The following PREX2 variants were observed in gnomAD, a reference collection of about 807,000 sequenced individuals.
The protein encoded by PREX2 is phosphatidylinositol 3,4,5-trisphosphate-dependent Rac exchanger 2 protein.
A neutral mutation model predicts 203.2 loss-of-function variants in PREX2; 107 were observed. The ratio of observed to expected loss-of-function variants is 0.53; its 90% CI spans 0.45 to 0.62. The LOEUF (loss-of-function observed/expected upper bound fraction) is 0.62. PREX2 is among the 20% of genes least tolerant of loss of function. The pLI, the probability that PREX2 is intolerant of heterozygous loss-of-function variation, is 0.00. For missense variants in PREX2, 1,777 were observed against 1,955.9 expected (o/e 0.91, Z 1.72); for synonymous variants, 672 against 663.6 (o/e 1.01, Z -0.19).
At chr8:68,080,907 C>G in intron 17 of PREX2, 69 bp downstream of exon 17, 1 of 869,712 alleles carries the variant, frequency 1.1e-6, no homozygotes, top group Non-Finnish European at 1.9e-6. Flanking sequence ...TCTAAACAAA[C>G]TGAAATCTGC....
At chr8:67,962,717 A>T (rs1805666580) in intron 1 of PREX2, among the ~76,000 whole-genome samples, 1 of 151,430 alleles carries the variant, frequency 6.6e-6, no homozygotes, top group Non-Finnish European at 1.5e-5. Context: ...AGTGATTCTC[A>T]TGCCTCTGTC....
chr8:68,206,806 G>A (rs1443857023), intron 37 of PREX2, among the ~76,000 whole-genome samples: 1 of 152,220 alleles, frequency 6.6e-6, no homozygotes, highest in Non-Finnish European at 1.5e-5. Flanking sequence ...ACCCCAGGAT[G>A]CCTGCCTCAT....
At chr8:68,069,223 A>G in intron 12 of PREX2, 87 bp downstream of exon 12, 2 of 691,662 alleles carry the variant, frequency 2.9e-6, no homozygotes, top group South Asian at 3.9e-5. Flanking sequence ...AACATAAAAG[A>G]TTTTTCTAGT....
At chr8:67,970,583 C>T (rs1585663845) in intron 1 of PREX2, among the ~76,000 whole-genome samples, 1 of 152,168 alleles carries the variant, frequency 6.6e-6, no homozygotes, top group African/African-American at 2.4e-5. Flanking sequence ...GGAAAATATA[C>T]CAAACATAAC....
At chr8:67,954,836 C>T (rs995954988) in intron 1 of PREX2, among the ~76,000 whole-genome samples, 1 of 151,886 alleles carries the variant, frequency 6.6e-6, no homozygotes, top group Non-Finnish European at 1.5e-5. Flanking sequence ...ACTTAACTGC[C>T]CTATAAATAA....
At chr8:68,103,774 G>T (rs952304158) in intron 23 of PREX2, 7 of 515,568 alleles carry the variant, frequency 1.4e-5, no homozygotes, top group Admixed American at 1.2e-4. Flanking sequence ...CATATGCCTG[G>T]TTTTTGTCCT....
chr8:68,203,102 C>A (rs995583291), intron 37 of PREX2, among the ~76,000 whole-genome samples: 1 of 152,164 alleles, frequency 6.6e-6, no homozygotes, highest in African/African-American at 2.4e-5. Context: ...ACCCCTGGGA[C>A]AGCTCAATCA....
chr8:68,192,483 T>TG lies in PREX2; in HGVS notation c.4565dup (p.Ala1523ArgfsTer109). 6.2e-7 allele frequency: 1 copy of TG among 1,608,844 alleles called. No homozygotes were observed. Among genetic ancestry groups the TG allele is most frequent in the East Asian group, 2.2e-5 (1 of 44,748 alleles). ...GTTTCCTCGGAGCTGTGCAACAGGC[T>TG]GGGCGCCTGCCACATCATCATGTGC... On this transcript the variant is annotated frameshift_variant, in exon 37 of 40. Transcript: ENST00000288368. LOFTEE classifies it high-confidence loss of function.
At chr8:67,973,455 C>T (rs1392098297) in intron 1 of PREX2, among the ~76,000 whole-genome samples, 2 of 152,156 alleles carry the variant, frequency 1.3e-5, no homozygotes, top group African/African-American at 4.8e-5. Flanking sequence ...TCTGCCTCTA[C>T]TTATGTATGC....
intron 30 of PREX2, among the ~76,000 whole-genome samples, chr8:68,126,763 C>T (rs1240004068): frequency 6.6e-6 from 1 of 151,880 alleles, no homozygotes; most frequent in Non-Finnish European, 1.5e-5. Context: ...CATTGGACAC[C>T]TAGCAATTCG....
intron 35 of PREX2, among the ~76,000 whole-genome samples, chr8:68,181,706 T>G (rs1203446847): frequency 1.3e-5 from 2 of 152,146 alleles, no homozygotes; most frequent in Non-Finnish European, 2.9e-5. Context: ...ATATGAAATC[T>G]TACTTGAAAG....
At chr8:68,016,780 C>G (rs769672245) in intron 1 of PREX2, among the ~76,000 whole-genome samples, 28 of 152,090 alleles carry the variant, frequency 1.8e-4, no homozygotes, top group Non-Finnish European at 3.1e-4. Context: ...CCACGCCCAG[C>G]AAACTTTAAA....
chr8:67,992,651 C>T (rs113625566), intron 1 of PREX2, among the ~76,000 whole-genome samples: 70 of 152,208 alleles, frequency 4.6e-4, no homozygotes, highest in African/African-American at 1.5e-3. Context: ...CAGTGTGTTG[C>T]GAGAAACATC....
intron 22 of PREX2, among the ~76,000 whole-genome samples, chr8:68,098,938 G>GTGTGTA (rs1352978343): frequency 9.1e-6 from 1 of 109,820 alleles, no homozygotes; most frequent in East Asian, 2.7e-4. Flanking sequence ...ATATATATGT[G>GTGTGTA]TATATATATA....
At chr8:68,001,913 G>A (rs1806948684) in intron 1 of PREX2, among the ~76,000 whole-genome samples, 1 of 152,094 alleles carries the variant, frequency 6.6e-6, no homozygotes, top group Non-Finnish European at 1.5e-5. Context: ...GACACGAAGA[G>A]GGGAAGAACA....
chr8:68,109,754 C>T, intron 25 of PREX2, 131 bp downstream of exon 25: 2 of 709,278 alleles, frequency 2.8e-6, no homozygotes, highest in Non-Finnish European at 4.7e-6. Context: ...TATAGATCCT[C>T]TTCATTCCAA....
intron 1 of PREX2, among the ~76,000 whole-genome samples, chr8:67,976,717 CAG>C (rs770608418): frequency 7.7e-5 from 4 of 52,048 alleles, no homozygotes; most frequent in African/African-American, 1.4e-4. Flanking sequence ...GGGAGAGAGA[CAG>C]AGAGAGAGAC....
At chr8:68,062,318 G>A (rs1808882244) in intron 11 of PREX2, among the ~76,000 whole-genome samples, 2 of 152,082 alleles carry the variant, frequency 1.3e-5, no homozygotes, top group Admixed American at 6.5e-5. Context: ...TTTAAAACGG[G>A]GATATGATCA....
chr8:68,117,709 T>G (rs931366990), intron 26 of PREX2, among the ~76,000 whole-genome samples: 3 of 152,236 alleles, frequency 2.0e-5, no homozygotes, highest in African/African-American at 7.2e-5. Context: ...AATTTGTCCC[T>G]GTTCACACAC....
Sources: allele counts gnomAD v4.1 joint callset (sites outside exome capture counted in the v4.1 genomes callset), GRCh38; gene constraint gnomAD v4.1.1; transcripts MANE v1.5; gene names NCBI Gene and HGNC (gene_info 2026-07-23, HGNC 2026-07-21).